NTF3: variants seen among roughly 807,000 people sequenced by gnomAD.
The protein encoded by NTF3 is neurotrophin-3.
A neutral mutation model predicts 26.3 loss-of-function variants in NTF3; 8 were observed. The observed-to-expected ratio is 0.30, with a 90% CI of 0.18 to 0.55. The LOEUF (loss-of-function observed/expected upper bound fraction) is 0.55, where lower values mean the gene tolerates loss of function less well. NTF3 is among the 20% of genes least tolerant of loss of function. NTF3 has a pLI of 0.93. For synonymous variants in NTF3, 154 were observed against 145.5 expected (o/e 1.06, Z -0.42); for missense variants, 276 against 352.9 (o/e 0.78, Z 1.75).
upstream of NTF3, among the ~76,000 whole-genome samples, chr12:5,431,218 G>T (rs1940082691): frequency 6.6e-6 from 1 of 152,136 alleles, no homozygotes; most frequent in African/African-American, 2.4e-5. Context: ...CGCCTTTCCT[G>T]CTTCTCGCGC....
chr12:5,459,508 G>A (rs1164011427), intron 1 of NTF3, among the ~76,000 whole-genome samples: 1 of 152,168 alleles, frequency 6.6e-6, no homozygotes, highest in Non-Finnish European at 1.5e-5. Flanking sequence ...GGTCTTATAA[G>A]CAGATTTCAT....
chr12:5,456,952 C>T lies in NTF3; in HGVS notation c.18+24610C>T, dbSNP rs1352915913. On this transcript the variant is annotated intron_variant, in intron 1 of 1. Transcript: ENST00000423158. The surrounding 1 kb of genome is among the most constrained non-coding windows in gnomAD (Gnocchi z 4.4). ...TGAGGGAGGCAGGGGGCCCGCAGAA[C>T]GGCCTCCCATCTCCACTGCCCGTCC... 3.9e-5 allele frequency among the ~76,000 whole-genome samples: 6 copies of T among 152,150 alleles called. No individual in the cohort carries two copies. Among genetic ancestry groups the T allele is most frequent in the South Asian group, 4.1e-4 (2 of 4,826 alleles).
chr12:5,446,209 C>T (rs1940303035), intron 1 of NTF3, among the ~76,000 whole-genome samples: 1 of 152,128 alleles, frequency 6.6e-6, no homozygotes, highest in Admixed American at 6.5e-5. Flanking sequence ...AGATATTATA[C>T]CAGGCTTGAG....
chr12:5,441,332 C>A (rs1454056996), intron 1 of NTF3, among the ~76,000 whole-genome samples: 1 of 152,062 alleles, frequency 6.6e-6, no homozygotes, highest in East Asian at 1.9e-4. Context: ...CCTCAAATGG[C>A]CTAAATATAG....
Position 5,443,269 on chromosome 12 carries a change from C to G in NTF3, c.18+10927C>G, listed in dbSNP as rs115972102. Among the ~76,000 whole-genome samples, 404 of 152,262 alleles carry G rather than the reference C, an allele frequency of 2.7e-3. 5 individuals carry two copies. The highest frequency in any genetic ancestry group is 8.9e-3 in the African/African-American group (371 of 41,538). ...GTCTTCTTGTCATGTAAGGGCCCCC[C>G]CATCCCCGACCCTGCATCATGTACC... On this transcript the variant is annotated intron_variant, in intron 1 of 1. Coordinates refer to ENST00000423158, the MANE Select transcript of NTF3 (RefSeq NM_001102654.2).
chr12:5,443,616 T>C (rs1000492936), intron 1 of NTF3, among the ~76,000 whole-genome samples: 1 of 152,260 alleles, frequency 6.6e-6, no homozygotes, highest in African/African-American at 2.4e-5. Flanking sequence ...GCATTGTTCA[T>C]AGCTCAAATC....
At chr12:5,457,009 T>C (rs1940460967) in intron 1 of NTF3, among the ~76,000 whole-genome samples, 1 of 152,148 alleles carries the variant, frequency 6.6e-6, no homozygotes, top group Admixed American at 6.5e-5. Flanking sequence ...GCAGACACGG[T>C]CTGTGCCTGG....
At position 5,494,076 on chromosome 12, in the gene NTF3, G is replaced by A. The variant is rs553948412; in HGVS notation, c.19-118G>A. On this transcript the variant is annotated intron_variant, in intron 1 of 1. Transcript: ENST00000423158. This position sits in a 1 kb window ranked among gnomAD's most constrained non-coding sequence, Gnocchi z 8.3. ...CAGAGGGGAGTTGCCTTGCTTACCT[G>A]GGGGGCGGTACCCTCTCTCGTGCCC... The A allele has an allele frequency of 3.4e-6, 3 of 885,468 alleles. No homozygotes were observed. The highest frequency in any genetic ancestry group is 5.0e-5 in the Admixed American group (2 of 40,258). 54.9% of individuals were successfully genotyped at this position (885,468 alleles called of 1,614,324 possible). A position where few individuals can be genotyped will look rare whatever the true frequency, so the allele number is the denominator to read the frequency against.
At chr12:5,457,134 G>A (rs913774604) in intron 1 of NTF3, among the ~76,000 whole-genome samples, 1 of 152,230 alleles carries the variant, frequency 6.6e-6, no homozygotes, top group Non-Finnish European at 1.5e-5. Flanking sequence ...AGCAGCAACT[G>A]TATAAAGTCA....
In NTF3 at chr12:5,494,275, A is replaced by T; in HGVS notation, c.100A>T (p.Met34Leu). 1 of 1,614,128 alleles carries T rather than the reference A, an allele frequency of 6.2e-7. No individual in the cohort carries two copies. The highest frequency in any genetic ancestry group is 8.5e-7 in the Non-Finnish European group (1 of 1,180,004). ...TCTCCGTGGCATCCAAGGTAACAAC[A>T]TGGATCAAAGGAGTTTGCCAGAAGA... ...AYLRGIQGNN[M>L]DQRSLPEDSL... Residue 34 changes from methionine to leucine, a missense_variant, in exon 2 of 2, where the codon ATG (methionine) becomes TTG (leucine). Coordinates refer to ENST00000423158, the MANE Select transcript of NTF3 (RefSeq NM_001102654.2). This position sits in a 1 kb window ranked among gnomAD's most constrained non-coding sequence, Gnocchi z 8.3.
chr12:5,474,153 C>T (rs983040471), intron 1 of NTF3, among the ~76,000 whole-genome samples: 4 of 152,196 alleles, frequency 2.6e-5, no homozygotes, highest in African/African-American at 9.7e-5. Flanking sequence ...TTAAGAGCTT[C>T]ATCCCTTTGA....
At chr12:5,483,772 G>A (rs1010544642) in intron 1 of NTF3, among the ~76,000 whole-genome samples, 3 of 152,184 alleles carry the variant, frequency 2.0e-5, no homozygotes, top group African/African-American at 7.2e-5. Context: ...CAGGTCTTGA[G>A]GATGTGCAGG....
At chr12:5,480,507 C>T (rs965415003) in intron 1 of NTF3, among the ~76,000 whole-genome samples, 1 of 152,130 alleles carries the variant, frequency 6.6e-6, no homozygotes, top group African/African-American at 2.4e-5. Context: ...TGGCGGCGGG[C>T]GGGCTGGAGC....
rs1462924831 is a variant in NTF3, at chr12:5,433,713, T to G, written c.18+1371T>G. On this transcript the variant is annotated intron_variant, in intron 1 of 1. Transcript: ENST00000423158. The surrounding 1 kb of genome is among the most constrained non-coding windows in gnomAD (Gnocchi z 4.6). The stretch of plus-strand genomic sequence containing the variant: ...GAAACACCGAAAAGATCGTCTGGCC[T>G]CGGCCTCTGGCGGCGGGCGGCAGGT... Among the ~76,000 whole-genome samples, 1 of 152,066 alleles carries G rather than the reference T, an allele frequency of 6.6e-6. No individual in the cohort carries two copies. The highest frequency in any genetic ancestry group is 1.5e-5 in the Non-Finnish European group (1 of 68,008).
chr12:5,494,297 A>G lies in NTF3; in HGVS notation c.122A>G (p.Glu41Gly). The change falls in exon 2 of 2, where the codon GAA (glutamate) becomes GGA (glycine). Residue 41 changes from glutamate to glycine, a missense_variant. Glu to Gly is a moderately conservative substitution (Grantham distance 98, BLOSUM62 -2). Coordinates refer to ENST00000423158, the MANE Select transcript of NTF3 (RefSeq NM_001102654.2). The surrounding 1 kb of genome is among the most constrained non-coding windows in gnomAD (Gnocchi z 8.3). ...AACATGGATCAAAGGAGTTTGCCAG[A>G]AGACTCGCTCAATTCCCTCATTATT... The part of the protein sequence containing the change: ...GNNMDQRSLP[E>G]DSLNSLIIKL... 1 of 1,614,184 alleles carries G rather than the reference A, an allele frequency of 6.2e-7. No homozygotes were observed. The highest frequency in any genetic ancestry group is 8.5e-7 in the Non-Finnish European group (1 of 1,180,048).
chr12:5,491,740 A>ATTTT (rs1940940316), intron 1 of NTF3, among the ~76,000 whole-genome samples: 13 of 132,820 alleles, frequency 9.8e-5, no homozygotes, highest in African/African-American at 8.6e-5. Flanking sequence ...TTTTTTTTGA[A>ATTTT]TTGGAGTCTT....
chr12:5,474,376 A>G (rs1261898890), intron 1 of NTF3, among the ~76,000 whole-genome samples: 1 of 152,234 alleles, frequency 6.6e-6, no homozygotes. Context: ...ACAGTCAAAT[A>G]GTAGTTAGCC....
chr12:5,480,161 T>C (rs1940769849), intron 1 of NTF3, among the ~76,000 whole-genome samples: 1 of 152,182 alleles, frequency 6.6e-6, no homozygotes. Context: ...GGTTGTGCTC[T>C]GTATGGTTTT....
At chr12:5,481,262 A>T (rs1228687893) in intron 1 of NTF3, among the ~76,000 whole-genome samples, 4 of 152,030 alleles carry the variant, frequency 2.6e-5, no homozygotes, top group Non-Finnish European at 5.9e-5. Context: ...ACAGTGGCCA[A>T]AGGGGAGGCT....
Sources: allele counts gnomAD v4.1 joint callset (sites outside exome capture counted in the v4.1 genomes callset), GRCh38; gene constraint gnomAD v4.1.1; non-coding constraint Gnocchi (gnomAD v3.1); transcripts MANE v1.5; gene names NCBI Gene and HGNC (gene_info 2026-07-23, HGNC 2026-07-21).